Variants in TTC16 observed in about 807,000 individuals in gnomAD.
The protein encoded by TTC16 is tetratricopeptide repeat domain 16.
Under a neutral mutation model 80.4 loss-of-function variants are expected in TTC16, and 66 were observed. That is an observed-to-expected ratio of 0.82 (90% CI 0.67 to 1.01). TTC16 has a LOEUF of 1.01. TTC16 is among the 50% of genes least tolerant of loss of function. The probability of loss-of-function intolerance (pLI) is 0.00; values close to 1 mark genes in which losing one functional copy is unlikely to be tolerated. For missense variants in TTC16, 1,070 were observed against 1,103.2 expected, an observed-to-expected ratio of 0.97 and a Z score of 0.43; for synonymous variants, 438 against 451.3, an observed-to-expected ratio of 0.97 and a Z score of 0.37.
chr9:127,725,119 T>G (rs1002207872), intron 9 of TTC16, among the ~76,000 whole-genome samples: 1 of 152,078 alleles, frequency 6.6e-6, no homozygotes, highest in African/African-American at 2.4e-5. Context: ...TAAAAAAATT[T>G]AAAAATTAGC....
chr9:127,719,938 C>T, intron 4 of TTC16, 140 bp from the exon 5 acceptor site: 1 of 696,798 alleles, frequency 1.4e-6, no homozygotes, highest in East Asian at 2.6e-5. Context: ...GTCTCTGCCT[C>T]TTCAAGTCTC....
intron 4 of TTC16, 72 bp downstream of exon 4, chr9:127,717,844 C>G (rs1668592662): frequency 6.6e-7 from 1 of 1,523,228 alleles, no homozygotes; most frequent in Non-Finnish European, 8.8e-7. Flanking sequence ...GGCTCCTGGG[C>G]CCAGCTCTGT....
chr9:127,716,209 G>C, intron 1 of TTC16, 46 bp downstream of exon 1: 3 of 1,613,640 alleles, frequency 1.9e-6, no homozygotes, highest in Non-Finnish European at 2.5e-6. Flanking sequence ...GGGCCAGGCA[G>C]AGAGACCGAG....
chr9:127,727,031 A>T lies in TTC16; in HGVS notation c.1487A>T (p.Gln496Leu), dbSNP rs1295714836. Residue 496 changes from glutamine to leucine, a missense_variant, in exon 11 of 14, where the codon CAG becomes CTG. Transcript: ENST00000373289. ...TCGGTGGAGGAGGTGCTTAGCACCC[A>T]GATAGCCCACCTGGCCAGGCTGCAG... is the stretch of plus-strand genomic sequence containing the variant. Reference protein sequence around the residue: ...GMSVEEVLSTQIAHLARLQLE... With the variant: ...GMSVEEVLSTLIAHLARLQLE... The T allele has an allele frequency of 3.1e-6, 5 of 1,612,690 alleles. No individual in the cohort carries two copies. Among genetic ancestry groups the T allele is most frequent in the Non-Finnish European group, 4.2e-6 (5 of 1,180,002 alleles).
chr9:127,726,840 A>G (rs1844017115), intron 10 of TTC16, 130 bp from the exon 11 acceptor site: 1 of 928,642 alleles, frequency 1.1e-6, no homozygotes, highest in Non-Finnish European at 1.6e-6. Flanking sequence ...CAAACAAAAA[A>G]CATTGCAAAA....
intron 6 of TTC16, among the ~76,000 whole-genome samples, chr9:127,721,024 T>C (rs1272519026): frequency 6.8e-6 from 1 of 147,554 alleles, no homozygotes; most frequent in Non-Finnish European, 1.5e-5. Flanking sequence ...TCCCTACTCC[T>C]GACCACCCAC....
In TTC16 at chr9:127,725,028, C is replaced by A. The variant is rs181991644; in HGVS notation, c.1259+131C>A. On this transcript the variant is annotated intron_variant, in intron 9 of 13. Transcript: ENST00000373289. Reference sequence around the variant, plus strand: ...GGGGGCGATGGCTCATCCCTGTAATCCCCACGCAGGTGGATCGCCTGAGGT... The same window carrying A: ...GGGGGCGATGGCTCATCCCTGTAATACCCACGCAGGTGGATCGCCTGAGGT... The A allele has an allele frequency of 3.6e-4, 418 of 1,146,782 alleles. No homozygotes were observed. The African/African-American group carries it at 5.6e-3, about 15-fold the overall frequency. 71.0% of individuals were successfully genotyped at this position (1,146,782 alleles called of 1,614,324 possible). A position where few individuals can be genotyped will look rare whatever the true frequency, so the allele number is the denominator to read the frequency against.
rs927839359 is a variant in TTC16, at chr9:127,722,270, T to C, written c.658-849T>C. 4.6e-5 allele frequency among the ~76,000 whole-genome samples: 7 copies of C among 152,198 alleles called. No homozygotes were observed. Among genetic ancestry groups the C allele is most frequent in the African/African-American group, 1.7e-4 (7 of 41,454 alleles). On this transcript the variant is annotated intron_variant, in intron 6 of 13. Transcript: ENST00000373289. The surrounding 1 kb of genome is among the most constrained non-coding windows in gnomAD (Gnocchi z 4.2). ...TGCTGTCCACACCATCCCGTTCACC[T>C]GCCAGCCAGTCACCCCGCAGGGAAC...
chr9:127,725,269 G>C (rs1486523257), intron 9 of TTC16, among the ~76,000 whole-genome samples: 1 of 151,362 alleles, frequency 6.6e-6, no homozygotes, highest in Non-Finnish European at 1.5e-5. Flanking sequence ...GTGAGACTCT[G>C]TCCCAAAAAA....
rs1310546313 is a variant in TTC16 at position 127,722,955 on chromosome 9, G to A, written c.658-164G>A. On this transcript the variant is annotated intron_variant, in intron 6 of 13. Coordinates refer to ENST00000373289, the MANE Select transcript of TTC16 (RefSeq NM_144965.3). The surrounding 1 kb of genome is among the most constrained non-coding windows in gnomAD (Gnocchi z 4.2). Reference sequence around the variant, plus strand: ...TGCACTCCAGCCTGGGTGACAGAGTGAGAATCCATCTCAAAAAAAAAAAAA... The same window carrying A: ...TGCACTCCAGCCTGGGTGACAGAGTAAGAATCCATCTCAAAAAAAAAAAAA... Among the ~76,000 whole-genome samples the A allele has an allele frequency of 3.3e-5, 5 of 149,348 alleles. No homozygotes were observed. Among genetic ancestry groups the A allele is most frequent in the African/African-American group, 1.2e-4 (5 of 40,458 alleles).
rs201723862 is a variant in TTC16 at position 127,720,174 on chromosome 9, C to T, written c.523C>T (p.Arg175Ter). 2.5e-6 allele frequency: 4 copies of T among 1,613,754 alleles called. No homozygotes were observed. Among genetic ancestry groups the T allele is most frequent in the Non-Finnish European group, 3.4e-6 (4 of 1,180,000 alleles). The change falls in exon 5 of 14, where the codon CGA (arginine) becomes TGA (stop). Residue 175 changes from arginine (R) to a stop codon, truncating the protein, a stop_gained. Transcript: ENST00000373289. LOFTEE classifies it high-confidence loss of function. ...LQPEKPCFRY[R>*]CMACLLALKQ... is the part of the protein sequence containing the mutation. ...GCCTGAGAAACCATGCTTCCGTTAC[C>T]GATGGTGAGTGCCCCTGCCAGCCCC...
chr9:127,716,715 C>A, intron 1 of TTC16, 129 bp from the exon 2 acceptor site: 1 of 1,267,420 alleles, frequency 7.9e-7, no homozygotes, highest in East Asian at 2.6e-5. Flanking sequence ...CACCGGAACC[C>A]CGAGTGGGAG....
chr9:127,720,881 T>TCCCCTTCCTCCCTC (rs1843437125), intron 6 of TTC16, among the ~76,000 whole-genome samples: 1 of 1,840 alleles, frequency 5.4e-4, no homozygotes, highest in African/African-American at 2.5e-3. Flanking sequence ...CCCTCCCCCT[T>TCCCCTTCCTCCCTC]CCCCTTCCTC....
Position 127,727,279 on chromosome 9 carries a change from AC to A in TTC16, c.1579del (p.Arg527GlyfsTer22), listed in dbSNP as rs747664537. 32 of 1,561,210 alleles carry A rather than the reference AC, an allele frequency of 2.0e-5. No homozygotes were observed. The highest frequency in any genetic ancestry group is 2.8e-5 in the Non-Finnish European group (32 of 1,150,908). On this transcript the variant is annotated frameshift_variant, in exon 12 of 14. Transcript: ENST00000373289. LOFTEE classifies it high-confidence loss of function. ...SPQGIVGMLK[R>X]HELERQKALA... ...GGGTATCGTTTGGCAGGATGCTTAA[AC>A]GGCACGAGTTGGAGCGCCAGAAGGC...
intron 6 of TTC16, 43 bp downstream of exon 6, chr9:127,720,438 G>C (rs1446576968): frequency 6.2e-7 from 1 of 1,608,364 alleles, no homozygotes; most frequent in African/African-American, 1.3e-5. Context: ...CCCAACCTGG[G>C]AGTCCTCAGT....
chr9:127,731,113 C>T lies in TTC16; in HGVS notation c.2330C>T (p.Ala777Val), dbSNP rs1352148132. The T allele has an allele frequency of 1.9e-6, 3 of 1,611,658 alleles. No homozygotes were observed. Among genetic ancestry groups the T allele is most frequent in the East Asian group, 4.5e-5 (2 of 44,856 alleles). The change falls in exon 14 of 14, where the codon GCT becomes GTT. Residue 777 changes from alanine to valine, a missense_variant. Physicochemically the swap from Ala to Val is moderately conservative, Grantham distance 64. Transcript: ENST00000373289. ...SPRQRPRKVK[A>V]ARGRSWRPSK... ...AGGCAGAGGCCCAGAAAGGTCAAGG[C>T]TGCTCGTGGCCGGAGCTGGAGACCC...
Position 127,731,460 on chromosome 9 carries a change from T to C in TTC16, c.*55T>C. ...GGGGAGGGGACGAGTTCTACCCACC[T>C]CCCCACACTGGCACTCAGCCAGCTG... On this transcript the variant is annotated 3_prime_UTR_variant, in exon 14 of 14. Coordinates refer to ENST00000373289, the MANE Select transcript of TTC16 (RefSeq NM_144965.3). 6.5e-7 allele frequency: 1 copy of C among 1,544,644 alleles called. No individual in the cohort carries two copies. Among genetic ancestry groups the C allele is most frequent in the African/African-American group, 1.4e-5 (1 of 72,972 alleles).
Position 127,722,843 on chromosome 9 carries a change from C to G in TTC16, c.658-276C>G, listed in dbSNP as rs1421229874. ...ATTAGCCAGGTGTGGTGGCACGCAC[C>G]TGTAGTCCCAGCTACTCAGGAGGCT... On this transcript the variant is annotated intron_variant, in intron 6 of 13. Transcript: ENST00000373289. The surrounding 1 kb of genome is among the most constrained non-coding windows in gnomAD (Gnocchi z 4.2). 6.6e-6 allele frequency among the ~76,000 whole-genome samples: 1 copy of G among 151,980 alleles called. No individual in the cohort carries two copies. Among genetic ancestry groups the G allele is most frequent in the African/African-American group, 2.4e-5 (1 of 41,372 alleles).
At position 127,720,324 on chromosome 9, in the gene TTC16, G is replaced by C; in HGVS notation, c.586G>C (p.Glu196Gln). The change falls in exon 6 of 14, where the codon GAG (glutamate) becomes CAG (glutamine). Residue 196 changes from glutamate to glutamine, a missense_variant. By Grantham distance (29) the Glu-to-Gln change is conservative. Transcript: ENST00000373289. Reference protein sequence around the residue: ...HQACLTLITNELKQDTTNADV... With the variant: ...HQACLTLITNQLKQDTTNADV... ...GGCCTGCCTCACGCTCATCACCAAC[G>C]AGCTGAAGCAGGACACCACCAACGC... 2 of 1,613,424 alleles carry C rather than the reference G, an allele frequency of 1.2e-6. No individual in the cohort carries two copies. Among genetic ancestry groups the C allele is most frequent in the Non-Finnish European group, 1.7e-6 (2 of 1,179,980 alleles).
Sources: gnomAD v4.1 joint callset for allele counts (sites outside exome capture counted in the v4.1 genomes callset) on GRCh38, gnomAD v4.1.1 for gene constraint, Gnocchi (gnomAD v3.1) non-coding constraint, MANE v1.5 for transcripts, NCBI Gene and HGNC (gene_info 2026-07-23, HGNC 2026-07-21) for gene names.